Variants in FMN2 observed in about 807,000 individuals in gnomAD.
The protein encoded by FMN2 is formin 2.
Under a neutral mutation model 142.3 loss-of-function variants are expected in FMN2, and 51 were observed. That is an observed-to-expected ratio of 0.36 (90% confidence interval 0.29 to 0.45). The LOEUF (loss-of-function observed/expected upper bound fraction) is 0.45. Ranked by LOEUF, FMN2 falls within the 20% of genes least tolerant of loss-of-function variation. The probability of loss-of-function intolerance (pLI) is 1.00; values close to 1 mark genes in which losing one functional copy is unlikely to be tolerated. For missense variants in FMN2, 1,936 were observed against 2,122.8 expected (o/e 0.91, Z 1.73); for synonymous variants, 882 against 869.8 (o/e 1.01, Z -0.25).
intron 15 of FMN2, among the ~76,000 whole-genome samples, chr1:240,393,108 A>G (rs1324043433): frequency 6.6e-6 from 1 of 151,910 alleles, no homozygotes; most frequent in African/African-American, 2.4e-5. Context: ...AGATATAAAC[A>G]CACACACACA....
At chr1:240,164,903 A>C (rs1296399710) in intron 2 of FMN2, among the ~76,000 whole-genome samples, 6 of 152,106 alleles carry the variant, frequency 3.9e-5, no homozygotes, top group African/African-American at 1.4e-4. Flanking sequence ...TCTTTATGAT[A>C]TCTTTTTTTC....
intron 2 of FMN2, among the ~76,000 whole-genome samples, chr1:240,174,219 C>A (rs1664820878): frequency 6.6e-6 from 1 of 152,140 alleles, no homozygotes; most frequent in African/African-American, 2.4e-5. Context: ...GCAATGGCTG[C>A]AAAGATTTAA....
intron 13 of FMN2, 138 bp downstream of exon 13, chr1:240,334,367 A>G (rs555308282): frequency 8.8e-6 from 9 of 1,023,964 alleles, no homozygotes; most frequent in African/African-American, 8.3e-5. Flanking sequence ...CGAAAGAACA[A>G]TTTTGCCTAT....
rs1558319620 is a variant in FMN2, at chr1:240,146,265, G to GCA, written c.1782+22920_1782+22921insCA. ...AAAAATTAGCCAGACTTGGTGGTAT[G>GCA]TGCCTATAGTCCCAGTTACTTGGGA... On this transcript the variant is annotated intron_variant, in intron 2 of 17. Coordinates refer to ENST00000319653, the MANE Select transcript of FMN2 (RefSeq NM_020066.5). Among the ~76,000 whole-genome samples, 5 of 150,906 alleles carry GCA rather than the reference G, an allele frequency of 3.3e-5. No homozygotes were observed. The East Asian group carries it at 9.8e-4, about 29-fold the overall frequency.
chr1:240,158,371 C>T (rs1449697655), intron 2 of FMN2, among the ~76,000 whole-genome samples: 2 of 152,094 alleles, frequency 1.3e-5, no homozygotes, highest in Non-Finnish European at 2.9e-5. Flanking sequence ...ACTGACCTCC[C>T]TGGGTGATGT....
At chr1:240,433,725 T>C (rs1461447139) in intron 15 of FMN2, among the ~76,000 whole-genome samples, 1 of 152,216 alleles carries the variant, frequency 6.6e-6, no homozygotes, top group African/African-American at 2.4e-5. Flanking sequence ...TTTTTGTAAT[T>C]TGAGGGTTCT....
At chr1:240,195,713 A>G (rs985312783) in intron 4 of FMN2, among the ~76,000 whole-genome samples, 7 of 152,236 alleles carry the variant, frequency 4.6e-5, no homozygotes, top group African/African-American at 1.7e-4. Flanking sequence ...AATTGACTGT[A>G]TCTTTTTAAA....
intron 15 of FMN2, among the ~76,000 whole-genome samples, chr1:240,414,889 T>C (rs1274269381): frequency 3.3e-5 from 5 of 152,138 alleles, no homozygotes; most frequent in African/African-American, 9.7e-5. Flanking sequence ...TTAAGACAAG[T>C]GGGAAATAGG....
At chr1:240,196,179 T>C (rs950317797) in intron 4 of FMN2, among the ~76,000 whole-genome samples, 1 of 152,148 alleles carries the variant, frequency 6.6e-6, no homozygotes, top group Non-Finnish European at 1.5e-5. Flanking sequence ...TTTTGAGGAA[T>C]GAGCAAGACA....
At chr1:240,465,209 A>G (rs1295466423) in intron 16 of FMN2, among the ~76,000 whole-genome samples, 5 of 152,008 alleles carry the variant, frequency 3.3e-5, no homozygotes, top group Non-Finnish European at 5.9e-5. Flanking sequence ...TCTAATACTC[A>G]CTTCTGTCTT....
chr1:240,280,829 T>C (rs556456644), intron 7 of FMN2, among the ~76,000 whole-genome samples: 1 of 152,144 alleles, frequency 6.6e-6, no homozygotes, highest in Non-Finnish European at 1.5e-5. Flanking sequence ...CAAATAAATC[T>C]TATCTAAACA....
At chr1:240,142,664 C>G in intron 2 of FMN2, 1 of 1,599,362 alleles carries the variant, frequency 6.3e-7, no homozygotes, top group Admixed American at 1.7e-5. Context: ...CCCTGGTGGT[C>G]ACTTAGAGAT....
intron 1 of FMN2, among the ~76,000 whole-genome samples, chr1:240,100,897 A>G (rs1661387759): frequency 6.6e-6 from 1 of 152,246 alleles, no homozygotes. Flanking sequence ...ATGCTTAAAA[A>G]GGCTTAGGCA....
Position 240,292,878 on chromosome 1 carries a change from T to G in FMN2, c.4154-1944T>G, listed in dbSNP as rs1669842666. ...TTTCTTTTTGGCTACAAAAGCATGA[T>G]TAGATTTTGCCCTGAAAACTGCTCG... On this transcript the variant is annotated intron_variant, in intron 7 of 17. Coordinates refer to ENST00000319653, the MANE Select transcript of FMN2 (RefSeq NM_020066.5). 2.0e-5 allele frequency among the ~76,000 whole-genome samples: 3 copies of G among 152,252 alleles called. No homozygotes were observed. The South Asian group carries it at 6.2e-4, about 32-fold the overall frequency.
intron 8 of FMN2, among the ~76,000 whole-genome samples, chr1:240,318,466 C>G (rs1003470429): frequency 6.6e-6 from 1 of 151,862 alleles, no homozygotes; most frequent in Non-Finnish European, 1.5e-5. Context: ...GCTTCTTTAG[C>G]ACCCACTCTG....
chr1:240,144,486 G>A, intron 2 of FMN2: 2 of 1,545,270 alleles, frequency 1.3e-6, no homozygotes, highest in Middle Eastern at 3.4e-4. Flanking sequence ...TGCCAGCCTA[G>A]CATGAATGCC....
intron 13 of FMN2, among the ~76,000 whole-genome samples, chr1:240,354,050 G>A (rs553870071): frequency 2.0e-5 from 3 of 152,164 alleles, no homozygotes; most frequent in South Asian, 4.1e-4. Flanking sequence ...ACAAATCATG[G>A]TGTAGGCTTT....
chr1:240,138,432 G>A (rs112196627), intron 2 of FMN2, among the ~76,000 whole-genome samples: 5,974 of 152,132 alleles, frequency 0.039, 188 homozygotes, highest in Non-Finnish European at 0.055. Flanking sequence ...GAGCACGGTG[G>A]CTCATGGCTG....
chr1:240,473,521 T>A lies in FMN2; in HGVS notation c.5143-607T>A, dbSNP rs986120077. Reference sequence around the variant, plus strand: ...TAATGTAGTCTAAAGGGAAAAGACATTAAAATAACCCAAATTGGGATATGA... The same window carrying A: ...TAATGTAGTCTAAAGGGAAAAGACAATAAAATAACCCAAATTGGGATATGA... On this transcript the variant is annotated intron_variant, in intron 17 of 17. Coordinates refer to ENST00000319653, the MANE Select transcript of FMN2 (RefSeq NM_020066.5). This position sits in a 1 kb window ranked among gnomAD's most constrained non-coding sequence, Gnocchi z 4.3. 1.3e-5 allele frequency among the ~76,000 whole-genome samples: 2 copies of A among 152,210 alleles called. No individual in the cohort carries two copies. The highest frequency in any genetic ancestry group is 2.9e-5 in the Non-Finnish European group (2 of 68,032).
Sources: gnomAD v4.1 joint callset for allele counts (sites outside exome capture counted in the v4.1 genomes callset) on GRCh38, gnomAD v4.1.1 for gene constraint, Gnocchi (gnomAD v3.1) non-coding constraint, MANE v1.5 for transcripts, NCBI Gene and HGNC (gene_info 2026-07-23, HGNC 2026-07-21) for gene names.